The following ATF1 variants were observed in gnomAD, a reference collection of about 807,000 sequenced individuals.
ATF1 encodes the protein cyclic AMP-dependent transcription factor ATF-1.
ATF1 carries 16 observed loss-of-function variants against 34.7 expected under a neutral mutation model. The observed-to-expected ratio is 0.46, with a 90% confidence interval of 0.31 to 0.70. The LOEUF is 0.70. Ranked by LOEUF, ATF1 falls within the 30% of genes least tolerant of loss-of-function variation. The pLI is 0.05. For missense variants in ATF1, 255 were observed against 321.6 expected (o/e 0.79, Z 1.58); for synonymous variants, 105 against 113.1 (o/e 0.93, Z 0.46).
intron 6 of ATF1, among the ~76,000 whole-genome samples, chr12:50,816,182 C>T (rs1258874074): frequency 6.6e-6 from 1 of 151,930 alleles, no homozygotes; most frequent in Admixed American, 6.6e-5. Context: ...AAAAAATTAG[C>T]CAGGCATGGT....
At chr12:50,784,217 T>C (rs965923329) in intron 2 of ATF1, among the ~76,000 whole-genome samples, 1 of 152,032 alleles carries the variant, frequency 6.6e-6, no homozygotes, top group Admixed American at 6.6e-5. Context: ...TAATTCAGTA[T>C]AAACTGGGGA....
chr12:50,818,091 A>G (rs779780494), intron 6 of ATF1, among the ~76,000 whole-genome samples: 6 of 151,848 alleles, frequency 4.0e-5, no homozygotes, highest in Non-Finnish European at 7.4e-5. Context: ...AATTGGCACT[A>G]TCTCTTGACT....
At chr12:50,763,887 A>C (rs1400322458), upstream of ATF1, 1 of 152,228 alleles carries the variant, frequency 6.6e-6, no homozygotes, top group African/African-American at 2.4e-5. Context: ...CTCCCGCTGC[A>C]GCCTGAGGAA....
intron 2 of ATF1, among the ~76,000 whole-genome samples, chr12:50,784,469 A>G (rs1010590887): frequency 5.9e-5 from 9 of 152,290 alleles, no homozygotes; most frequent in South Asian, 4.1e-4. Context: ...TGTGAGACTA[A>G]TATGTGCTTG....
At chr12:50,806,008 G>A (rs995026845) in intron 3 of ATF1, among the ~76,000 whole-genome samples, 6 of 152,076 alleles carry the variant, frequency 3.9e-5, no homozygotes, top group South Asian at 2.1e-4. Context: ...AAAATTAGCC[G>A]GGTGTGGTGG....
At chr12:50,811,629 A>AG (rs1429452995) in intron 4 of ATF1, among the ~76,000 whole-genome samples, 38 of 137,768 alleles carry the variant, frequency 2.8e-4, no homozygotes, top group South Asian at 2.6e-3. Context: ...AGAAAAATGA[A>AG]GAAAAAAAAA....
At chr12:50,783,234 G>T (rs1941110340) in intron 2 of ATF1, among the ~76,000 whole-genome samples, 1 of 152,146 alleles carries the variant, frequency 6.6e-6, no homozygotes, top group South Asian at 2.1e-4. Context: ...GTTTGAGAAT[G>T]TCAAAAGGAT....
chr12:50,774,032 T>C (rs1476072481), intron 1 of ATF1, among the ~76,000 whole-genome samples: 1 of 152,194 alleles, frequency 6.6e-6, no homozygotes, highest in East Asian at 1.9e-4. Context: ...AGTTTTCTTT[T>C]CTTTTTTCTT....
At chr12:50,787,079 C>G (rs1414747724) in intron 2 of ATF1, among the ~76,000 whole-genome samples, 1 of 152,234 alleles carries the variant, frequency 6.6e-6, no homozygotes, top group Non-Finnish European at 1.5e-5. Context: ...ATAGATGACT[C>G]AACCCCTTCC....
intron 3 of ATF1, among the ~76,000 whole-genome samples, chr12:50,800,585 C>A (rs1221089235): frequency 2.0e-5 from 3 of 152,164 alleles, no homozygotes; most frequent in Non-Finnish European, 2.9e-5. Flanking sequence ...GCTCTGCCTC[C>A]TGTCAAATCA....
At chr12:50,794,490 A>G (rs986561553) in intron 2 of ATF1, among the ~76,000 whole-genome samples, 3 of 151,562 alleles carry the variant, frequency 2.0e-5, no homozygotes, top group Non-Finnish European at 4.4e-5. Flanking sequence ...ACTTGAACCC[A>G]GGAGGTGGAG....
At chr12:50,764,617 C>T (rs1027456968) in intron 1 of ATF1, 1 of 152,280 alleles carries the variant, frequency 6.6e-6, no homozygotes, top group Non-Finnish European at 1.5e-5. Flanking sequence ...TTTGCAGTCG[C>T]AGGCGCTAGC....
At chr12:50,782,559 T>TC (rs1941090794) in intron 2 of ATF1, among the ~76,000 whole-genome samples, 1 of 149,652 alleles carries the variant, frequency 6.7e-6, no homozygotes, top group Admixed American at 6.7e-5. Flanking sequence ...CCGGCCTTTT[T>TC]TTTTTTTTTT....
upstream of ATF1, chr12:50,763,754 C>G (rs890354212): frequency 6.6e-6 from 1 of 152,084 alleles, no homozygotes; most frequent in Non-Finnish European, 1.5e-5. Context: ...GAGTTGACAG[C>G]GCCGCCACTA....
chr12:50,777,936 CTTTT>C (rs71086478), intron 1 of ATF1, among the ~76,000 whole-genome samples: 57 of 133,326 alleles, frequency 4.3e-4, no homozygotes, highest in Non-Finnish European at 4.2e-4. Context: ...AATTTACTAT[CTTTT>C]TTTTTTTTTT....
intron 2 of ATF1, among the ~76,000 whole-genome samples, chr12:50,783,153 A>T (rs902159033): frequency 2.6e-5 from 4 of 152,220 alleles, no homozygotes; most frequent in Non-Finnish European, 2.9e-5. Flanking sequence ...CTAATTTTTT[A>T]AATTTAATTT....
At chr12:50,781,260 A>G (rs66947035) in intron 2 of ATF1, among the ~76,000 whole-genome samples, 38,604 of 151,980 alleles carry the variant, frequency 0.25, 5,484 homozygotes, top group Non-Finnish European at 0.32. Context: ...TTTAATACCT[A>G]ATACTATGTA....
In ATF1 at chr12:50,820,100, AT is replaced by A. The variant is rs550467653; in HGVS notation, c.*329del. On this transcript the variant is annotated 3_prime_UTR_variant, in exon 7 of 7. Transcript: ENST00000262053. ...GAGAAGATGAAATTTGATAAACTGA[AT>A]TTTTTTTAAAAATCCATTTACCCTA... The A allele has an allele frequency of 7.9e-6, 2 of 253,256 alleles. No individual in the cohort carries two copies. Among genetic ancestry groups the A allele is most frequent in the East Asian group, 6.4e-5 (1 of 15,704 alleles). The allele number at this position is 253,256 out of a possible 1,614,324, so 15.7% of individuals were successfully genotyped here.
At chr12:50,806,734 G>C (rs1299160273) in intron 3 of ATF1, among the ~76,000 whole-genome samples, 1 of 151,976 alleles carries the variant, frequency 6.6e-6, no homozygotes. Context: ...TTGTTAAATG[G>C]ATCTGGAGCT....
Sources: allele counts gnomAD v4.1 joint callset (sites outside exome capture counted in the v4.1 genomes callset), GRCh38; gene constraint gnomAD v4.1.1; transcripts MANE v1.5; gene names NCBI Gene and HGNC (gene_info 2026-07-23, HGNC 2026-07-21).